Variants in MAP2 observed in about 807,000 individuals in gnomAD.
MAP2 encodes the protein microtubule-associated protein 2.
Under a neutral mutation model 137.6 loss-of-function variants are expected in MAP2, and 14 were observed. That is an observed-to-expected ratio of 0.10 (90% CI 0.07 to 0.16). The LOEUF is 0.16. Among genes scored for constraint, MAP2 ranks in the 10% least tolerant of loss-of-function variants. MAP2 has a pLI of 1.00. For synonymous variants in MAP2, 786 were observed against 782.3 expected (o/e 1.00, Z -0.08); for missense variants, 2,088 against 2,191.5 (o/e 0.95, Z 0.94).
At chr2:209,500,037 C>A (rs1199496035) in intron 1 of MAP2, among the ~76,000 whole-genome samples, 1 of 152,154 alleles carries the variant, frequency 6.6e-6, no homozygotes, top group African/African-American at 2.4e-5. Flanking sequence ...TAACACTCTC[C>A]TTTATATGGA....
intron 3 of MAP2, among the ~76,000 whole-genome samples, chr2:209,582,674 GA>G (rs1366563604): frequency 3.5e-5 from 2 of 56,378 alleles, no homozygotes; most frequent in Admixed American, 5.8e-4. Flanking sequence ...TAGATAGATA[GA>G]TAGATAGATA....
At chr2:209,681,020 AT>A (rs1281625738) in intron 7 of MAP2, among the ~76,000 whole-genome samples, 193 bp downstream of exon 7, 4 of 152,198 alleles carry the variant, frequency 2.6e-5, no homozygotes, top group Non-Finnish European at 4.4e-5. Flanking sequence ...AAGTAGAGGA[AT>A]TTGGTAAATA....
At chr2:209,667,657 T>C (rs2046934734) in intron 5 of MAP2, among the ~76,000 whole-genome samples, 1 of 152,030 alleles carries the variant, frequency 6.6e-6, no homozygotes, top group South Asian at 2.1e-4. Flanking sequence ...TTCATTGTAA[T>C]ATTTTCCTGA....
In MAP2 at chr2:209,616,242, C is replaced by T. The variant is rs116571124; in HGVS notation, c.-106-8811C>T. 9.3e-3 allele frequency among the ~76,000 whole-genome samples: 1,409 copies of T among 152,258 alleles called. 17 individuals are homozygous for T. Among genetic ancestry groups the T allele is most frequent in the African/African-American group, 0.032 (1,334 of 41,540 alleles). ...AGGCCCAGGTGGGGCATCACTGGCCCGGGGTCCCCAGCTTGCAAAGTGATC... is the reference window on the plus strand; with the variant it reads ...AGGCCCAGGTGGGGCATCACTGGCCTGGGGTCCCCAGCTTGCAAAGTGATC... On this transcript the variant is annotated intron_variant, in intron 3 of 15. Coordinates refer to ENST00000682079, the MANE Select transcript of MAP2 (RefSeq NM_001375505.1).
rs549874080 is a variant in MAP2, at chr2:209,498,166, A to G, written c.-221-9426A>G. 1.6e-4 allele frequency among the ~76,000 whole-genome samples: 24 copies of G among 152,326 alleles called. 1 individual carries two copies. The South Asian group carries it at 4.8e-3, about 30-fold the overall frequency. ...TATTCCAAAAGGAAGAAATTGGCCA[A>G]AGGAAAGGGGCTAAAGGCCCCATGC... On this transcript the variant is annotated intron_variant, in intron 1 of 15. Transcript: ENST00000682079.
intron 1 of MAP2, among the ~76,000 whole-genome samples, chr2:209,464,597 A>G (rs941945518): frequency 3.9e-5 from 6 of 152,114 alleles, no homozygotes; most frequent in African/African-American, 1.4e-4. Flanking sequence ...ATTAAACTAT[A>G]CATGATTGAT....
At chr2:209,620,976 C>A (rs922856409) in intron 3 of MAP2, among the ~76,000 whole-genome samples, 1 of 152,014 alleles carries the variant, frequency 6.6e-6, no homozygotes, top group Admixed American at 6.6e-5. Context: ...AGATGGATCA[C>A]CTGAGGTCAG....
chr2:209,509,266 A>C (rs1174108058), intron 2 of MAP2, among the ~76,000 whole-genome samples: 1 of 152,044 alleles, frequency 6.6e-6, no homozygotes, highest in Non-Finnish European at 1.5e-5. Flanking sequence ...GTAACGCACA[A>C]AAATTTTTCA....
intron 1 of MAP2, among the ~76,000 whole-genome samples, chr2:209,445,220 TG>T (rs1370698246): frequency 6.6e-6 from 1 of 151,612 alleles, no homozygotes; most frequent in Non-Finnish European, 1.5e-5. Context: ...ATACTTCTAA[TG>T]GGCAATAGGG....
At chr2:209,631,517 C>A (rs1309410738) in intron 4 of MAP2, among the ~76,000 whole-genome samples, 1 of 151,840 alleles carries the variant, frequency 6.6e-6, no homozygotes, top group Non-Finnish European at 1.5e-5. Context: ...GCCATTTTCC[C>A]ACAAGTGGTA....
At position 209,610,701 on chromosome 2, in the gene MAP2, A is replaced by G. The variant is rs184101701; in HGVS notation, c.-106-14352A>G. Reference sequence around the variant, plus strand: ...CAGTTCTCCTACGGAATAAGCAATCATGGCTACTTAAGAAGTATTATAATA... The same window carrying G: ...CAGTTCTCCTACGGAATAAGCAATCGTGGCTACTTAAGAAGTATTATAATA... On this transcript the variant is annotated intron_variant, in intron 3 of 15. Transcript: ENST00000682079. Among the ~76,000 whole-genome samples the G allele has an allele frequency of 3.1e-3, 475 of 152,260 alleles. 2 individuals are homozygous for G. Among genetic ancestry groups the G allele is most frequent in the African/African-American group, 0.011 (450 of 41,574 alleles).
intron 3 of MAP2, among the ~76,000 whole-genome samples, chr2:209,608,770 G>C (rs1190401442): frequency 1.3e-5 from 2 of 152,168 alleles, no homozygotes; most frequent in East Asian, 3.9e-4. Flanking sequence ...CATCCCCTCT[G>C]TTATATGACC....
At chr2:209,483,936 T>G (rs1484401791) in intron 1 of MAP2, among the ~76,000 whole-genome samples, 1 of 152,116 alleles carries the variant, frequency 6.6e-6, no homozygotes, top group Admixed American at 6.5e-5. Flanking sequence ...GAGGATTGAT[T>G]TGAATCCATT....
At chr2:209,457,621 A>C (rs1253560095) in intron 1 of MAP2, among the ~76,000 whole-genome samples, 1 of 152,208 alleles carries the variant, frequency 6.6e-6, no homozygotes, top group Non-Finnish European at 1.5e-5. Flanking sequence ...CTGAGCATCA[A>C]ATTCCTCATC....
At chr2:209,648,155 G>T (rs1179429639) in intron 4 of MAP2, among the ~76,000 whole-genome samples, 1 of 150,662 alleles carries the variant, frequency 6.6e-6, no homozygotes, top group Non-Finnish European at 1.5e-5. Flanking sequence ...AGGCTGGAGT[G>T]CAATGGTGTG....
intron 3 of MAP2, among the ~76,000 whole-genome samples, chr2:209,601,546 A>G (rs2083004981): frequency 6.6e-6 from 1 of 152,184 alleles, no homozygotes; most frequent in Non-Finnish European, 1.5e-5. Flanking sequence ...TATGTCTGAA[A>G]TGCAGTGAGC....
At chr2:209,446,268 C>T (rs1411255311) in intron 1 of MAP2, among the ~76,000 whole-genome samples, 2 of 151,590 alleles carry the variant, frequency 1.3e-5, no homozygotes, top group Non-Finnish European at 3.0e-5. Context: ...TCATATAGAC[C>T]TTTAGTTAAC....
chr2:209,578,810 C>A (rs1396388778), intron 2 of MAP2, among the ~76,000 whole-genome samples: 1 of 152,136 alleles, frequency 6.6e-6, no homozygotes, highest in Non-Finnish European at 1.5e-5. Flanking sequence ...GAATTCTCTG[C>A]CTGGGCCCTC....
In MAP2 at chr2:209,677,875, A is replaced by G. The variant is rs559137751; in HGVS notation, c.263-697A>G. On this transcript the variant is annotated intron_variant, in intron 5 of 15. Transcript: ENST00000682079. ...TTAGAAAGAGACCATCTGACATATC[A>G]TTGCCATGTATTTCATTAAAACTTC... Among the ~76,000 whole-genome samples, 6 of 152,134 alleles carry G rather than the reference A, an allele frequency of 3.9e-5. No homozygotes were observed. In the South Asian group the frequency reaches 1.2e-3, roughly 32 times the overall value.
Sources: gnomAD v4.1 joint callset for allele counts (sites outside exome capture counted in the v4.1 genomes callset) on GRCh38, gnomAD v4.1.1 for gene constraint, MANE v1.5 for transcripts, NCBI Gene and HGNC (gene_info 2026-07-23, HGNC 2026-07-21) for gene names.